Variants in CTNNA3 observed in about 807,000 individuals in gnomAD.
The protein encoded by CTNNA3 is catenin alpha 3.
In CTNNA3, 76 loss-of-function variants were observed where a neutral mutation model predicts 95.7. The observed-to-expected ratio is 0.79, with a 90% CI of 0.66 to 0.96. The LOEUF is 0.96. Ranked by LOEUF, CTNNA3 falls within the 40% of genes least tolerant of loss-of-function variation. CTNNA3 has a pLI of 0.00. For missense variants in CTNNA3, 1,191 were observed against 1,089.8 expected (o/e 1.09, Z -1.31); for synonymous variants, 431 against 374.4 (o/e 1.15, Z -1.74).
intron 11 of CTNNA3, among the ~76,000 whole-genome samples, chr10:66,502,772 A>T (rs1339284194): frequency 6.6e-6 from 1 of 152,090 alleles, no homozygotes; most frequent in East Asian, 1.9e-4. Context: ...TTTCCTTATG[A>T]ATATGTGCAC....
chr10:67,276,933 C>A (rs1346214706), intron 5 of CTNNA3, among the ~76,000 whole-genome samples: 1 of 151,784 alleles, frequency 6.6e-6, no homozygotes. Flanking sequence ...TGTTTTATAA[C>A]ATATGTTCAT....
intron 3 of CTNNA3, among the ~76,000 whole-genome samples, chr10:67,565,917 T>C (rs1841750941): frequency 7.4e-6 from 1 of 134,892 alleles, no homozygotes; most frequent in African/African-American, 2.8e-5. Context: ...GCAGCACTAT[T>C]TACAATAGCA....
intron 13 of CTNNA3, among the ~76,000 whole-genome samples, chr10:66,163,590 C>T (rs1315798963): frequency 1.3e-5 from 2 of 152,174 alleles, no homozygotes; most frequent in Non-Finnish European, 2.9e-5. Context: ...GAGCAGTCTG[C>T]TTCCTTCAGA....
chr10:67,735,639 A>C (rs1327277120), intron 1 of CTNNA3, among the ~76,000 whole-genome samples: 1 of 152,200 alleles, frequency 6.6e-6, no homozygotes, highest in African/African-American at 2.4e-5. Context: ...GTTTTTAAAA[A>C]AAAGAAAGAA....
intron 10 of CTNNA3, among the ~76,000 whole-genome samples, chr10:66,521,093 AC>A (rs1459157041): frequency 6.6e-6 from 1 of 151,478 alleles, no homozygotes; most frequent in African/African-American, 2.4e-5. Flanking sequence ...ATGGTTAAAT[AC>A]ATTCATCATC....
At chr10:66,876,946 TC>T (rs1247313991) in intron 7 of CTNNA3, among the ~76,000 whole-genome samples, 1 of 152,140 alleles carries the variant, frequency 6.6e-6, no homozygotes, top group East Asian at 1.9e-4. Flanking sequence ...TTTATTTTGT[TC>T]TTTTAAAGAC....
intron 10 of CTNNA3, among the ~76,000 whole-genome samples, chr10:66,597,456 C>T (rs989606615): frequency 1.4e-5 from 2 of 142,880 alleles, no homozygotes. Context: ...GCAGGAGGAT[C>T]ACTTGAGCCC....
At chr10:67,399,704 T>G (rs1382810844) in intron 5 of CTNNA3, among the ~76,000 whole-genome samples, 1 of 152,172 alleles carries the variant, frequency 6.6e-6, no homozygotes. Flanking sequence ...GTTGGAGATC[T>G]TTTCCTCCAT....
intron 7 of CTNNA3, among the ~76,000 whole-genome samples, chr10:66,866,957 G>A (rs1844204330): frequency 6.6e-6 from 1 of 152,048 alleles, no homozygotes; most frequent in Non-Finnish European, 1.5e-5. Context: ...CTGCTCTCAT[G>A]GTGGTGAATA....
At chr10:67,069,698 G>A (rs1213055628) in intron 7 of CTNNA3, among the ~76,000 whole-genome samples, 3 of 151,568 alleles carry the variant, frequency 2.0e-5, no homozygotes, top group Non-Finnish European at 4.4e-5. Flanking sequence ...GTGTCTGAAT[G>A]TTGTGTCTCA....
chr10:67,121,485 G>A (rs1011108225), intron 7 of CTNNA3, among the ~76,000 whole-genome samples: 11 of 151,988 alleles, frequency 7.2e-5, no homozygotes, highest in African/African-American at 2.4e-4. Flanking sequence ...CTCCTCCATA[G>A]ACCATGTAAT....
chr10:66,838,933 A>G (rs1333323858), intron 7 of CTNNA3, among the ~76,000 whole-genome samples: 1 of 152,164 alleles, frequency 6.6e-6, no homozygotes. Context: ...GTCCTTGGGT[A>G]GCCCCAAAGC....
chr10:66,219,025 C>T (rs1317020613), intron 13 of CTNNA3, among the ~76,000 whole-genome samples: 1 of 152,180 alleles, frequency 6.6e-6, no homozygotes, highest in African/African-American at 2.4e-5. Flanking sequence ...ATATGCTTGT[C>T]CCACCTTCGT....
chr10:67,249,508 A>G (rs1366959327), intron 5 of CTNNA3, among the ~76,000 whole-genome samples: 1 of 152,204 alleles, frequency 6.6e-6, no homozygotes, highest in East Asian at 1.9e-4. Flanking sequence ...TAAGCAAAAC[A>G]ATGTAACAAA....
chr10:66,819,701 TTC>T, intron 7 of CTNNA3, among the ~76,000 whole-genome samples: 1 of 152,318 alleles, frequency 6.6e-6, no homozygotes, highest in Non-Finnish European at 1.5e-5. Context: ...CTAAACATTT[TTC>T]TAGACATACA....
intron 17 of CTNNA3, among the ~76,000 whole-genome samples, chr10:65,950,754 A>G (rs1411712123): frequency 6.6e-6 from 1 of 152,210 alleles, no homozygotes; most frequent in Non-Finnish European, 1.5e-5. Context: ...CTTTTGAATA[A>G]TATGGAACTA....
chr10:66,989,225 G>C (rs1250074465), intron 7 of CTNNA3, among the ~76,000 whole-genome samples: 1 of 151,968 alleles, frequency 6.6e-6, no homozygotes, highest in African/African-American at 2.4e-5. Flanking sequence ...TGTAGCAGAG[G>C]GCCCTCCTAG....
At chr10:66,203,620 A>G (rs561272947) in intron 13 of CTNNA3, among the ~76,000 whole-genome samples, 4 of 152,114 alleles carry the variant, frequency 2.6e-5, no homozygotes, top group Non-Finnish European at 4.4e-5. Context: ...TCTGGCTTTG[A>G]ACATTGTTTT....
At chr10:66,056,448 A>T (rs1031561751) in intron 15 of CTNNA3, among the ~76,000 whole-genome samples, 12 of 151,398 alleles carry the variant, frequency 7.9e-5, no homozygotes, top group African/African-American at 2.9e-4. Flanking sequence ...TTTGTTGAGT[A>T]TTTTTTTTAT....
Sources: allele counts gnomAD v4.1 joint callset (sites outside exome capture counted in the v4.1 genomes callset), GRCh38; gene constraint gnomAD v4.1.1; transcripts MANE v1.5; gene names NCBI Gene and HGNC (gene_info 2026-07-23, HGNC 2026-07-21).